ACSL5: variants seen among roughly 807,000 people sequenced by gnomAD.
ACSL5 encodes long-chain-fatty-acid--CoA ligase 5.
A neutral mutation model predicts 84.9 loss-of-function variants in ACSL5; 50 were observed. The ratio of observed to expected loss-of-function variants is 0.59; its 90% CI spans 0.47 to 0.75. ACSL5 has a LOEUF of 0.75. Among genes scored for constraint, ACSL5 ranks in the 30% least tolerant of loss-of-function variants. The pLI, the probability that ACSL5 is intolerant of heterozygous loss-of-function variation, is 0.00. For synonymous variants in ACSL5, 280 were observed against 300.7 expected (o/e 0.93, Z 0.71); for missense variants, 775 against 830.4 (o/e 0.93, Z 0.82).
intron 3 of ACSL5, among the ~76,000 whole-genome samples, chr10:112,402,712 C>T (rs1489359655): frequency 2.0e-5 from 3 of 152,088 alleles, no homozygotes; most frequent in African/African-American, 4.8e-5. Context: ...TCTAGAAGTC[C>T]ACTTACTTGC....
chr10:112,421,643 A>C lies in ACSL5; in HGVS notation c.1365A>C (p.Thr455=), dbSNP rs765815713. The C allele has an allele frequency of 1.2e-6, 2 of 1,614,136 alleles. No individual in the cohort carries two copies. Among genetic ancestry groups the C allele is most frequent in the Admixed American group, 1.7e-5 (1 of 60,034 alleles). Reference sequence around the variant, plus strand: ...AATGCACAGGTGGCTGTACATTTACATTACCTGGGGACTGGACATCAGGTA... The same window carrying C: ...AATGCACAGGTGGCTGTACATTTACCTTACCTGGGGACTGGACATCAGGTA... ...QTECTGGCTF[T]LPGDWTSGHV... Residue 455 remains threonine, a synonymous_variant, in exon 15 of 21, where the codon ACA becomes ACC. Coordinates refer to ENST00000354655, the MANE Select transcript of ACSL5 (RefSeq NM_203379.2).
chr10:112,386,997 CT>C (rs1379236886), intron 1 of ACSL5, among the ~76,000 whole-genome samples: 1 of 152,108 alleles, frequency 6.6e-6, no homozygotes, highest in East Asian at 1.9e-4. Context: ...CCTCTCAGCT[CT>C]TTTTTTAAAT....
intron 9 of ACSL5, 86 bp downstream of exon 9, chr10:112,410,721 C>G: frequency 7.0e-7 from 1 of 1,421,684 alleles, no homozygotes; most frequent in Non-Finnish European, 9.7e-7. Context: ...CTGGTAAATA[C>G]TCCCTCTAAA....
At chr10:112,401,489 T>G (rs931080242) in intron 3 of ACSL5, among the ~76,000 whole-genome samples, 4 of 152,376 alleles carry the variant, frequency 2.6e-5, no homozygotes, top group African/African-American at 9.6e-5. Context: ...TGCCAAGAAT[T>G]TGTTAATGGA....
At chr10:112,421,496 C>A in intron 14 of ACSL5, 97 bp from the exon 15 acceptor site, 6 of 1,091,764 alleles carry the variant, frequency 5.5e-6, no homozygotes, top group South Asian at 5.1e-5. Context: ...GGTCTCGAAC[C>A]CTTAGAGACC....
intron 3 of ACSL5, among the ~76,000 whole-genome samples, chr10:112,401,139 C>G (rs1843877708): frequency 6.6e-6 from 1 of 152,070 alleles, no homozygotes; most frequent in African/African-American, 2.4e-5. Context: ...TCGCTTGAAC[C>G]TGGGAAGTGG....
intron 6 of ACSL5, 68 bp downstream of exon 6, chr10:112,408,589 T>C: frequency 8.8e-7 from 1 of 1,136,522 alleles, no homozygotes; most frequent in South Asian, 1.3e-5. Flanking sequence ...AATTTCTGCT[T>C]TTTTGTTTAT....
Position 112,395,056 on chromosome 10 carries a change from C to T in ACSL5, c.110C>T (p.Pro37Leu), listed in dbSNP as rs1428256415. ...TTGTGGCTGATCACCAGACCTCAAC[C>T]CGTCTTACCTCTTCTTGACCTGAAC... ...IFLWLITRPQPVLPLLDLNNQ... is the reference protein window; with the variant it reads ...IFLWLITRPQLVLPLLDLNNQ... Residue 37 changes from proline (P) to leucine (L), a missense_variant, in exon 2 of 21, where the codon CCC becomes CTC. Transcript: ENST00000354655. The T allele has an allele frequency of 1.2e-6, 2 of 1,614,056 alleles. No individual in the cohort carries two copies. The highest frequency in any genetic ancestry group is 2.2e-5 in the East Asian group (1 of 44,876).
chr10:112,413,392 T>G, intron 12 of ACSL5, 85 bp downstream of exon 12: 2 of 1,464,944 alleles, frequency 1.4e-6, no homozygotes, highest in Non-Finnish European at 1.9e-6. Flanking sequence ...ACTCCACCTC[T>G]ACCTCCACCC....
intron 3 of ACSL5, among the ~76,000 whole-genome samples, chr10:112,403,177 G>T (rs1843944991): frequency 6.6e-6 from 1 of 152,148 alleles, no homozygotes; most frequent in African/African-American, 2.4e-5. Context: ...GAACAAACAA[G>T]TCATGAAAGT....
At chr10:112,391,408 T>C (rs1843635055) in intron 1 of ACSL5, among the ~76,000 whole-genome samples, 1 of 151,862 alleles carries the variant, frequency 6.6e-6, no homozygotes, top group African/African-American at 2.4e-5. Context: ...TGTGAAATTC[T>C]GTGCACCTCC....
At chr10:112,423,332 A>G (rs1844552011) in intron 17 of ACSL5, among the ~76,000 whole-genome samples, 1 of 143,990 alleles carries the variant, frequency 6.9e-6, no homozygotes, top group Non-Finnish European at 1.5e-5. Context: ...TAACGTGTGA[A>G]TAGGAGCTGC....
Position 112,409,725 on chromosome 10 carries a change from C to T in ACSL5, c.711+40C>T, listed in dbSNP as rs755067456. The T allele has an allele frequency of 5.0e-6, 8 of 1,601,754 alleles. No homozygotes were observed. In the South Asian group the frequency reaches 5.6e-5, roughly 11 times the overall value. ...TTTAGCTTGCAGCTCCAATGCTTGT[C>T]CAACACCTTGGGCAACTTGCAAGAT... On this transcript the variant is annotated intron_variant, in intron 7 of 20. Transcript: ENST00000354655.
At position 112,420,493 on chromosome 10, in the gene ACSL5, G is replaced by A. The variant is rs191009824; in HGVS notation, c.1315-1100G>A. Among the ~76,000 whole-genome samples the A allele has an allele frequency of 1.2e-4, 19 of 152,266 alleles. No homozygotes were observed. In the East Asian group the frequency reaches 3.5e-3, roughly 28 times the overall value. ...TCAGATACCAGATGGCTCACAAAGT[G>A]GAAAATATTTACTATCTTGGCCTGT... On this transcript the variant is annotated intron_variant, in intron 14 of 20. Transcript: ENST00000354655.
chr10:112,401,867 TC>T (rs1476989077), intron 3 of ACSL5, among the ~76,000 whole-genome samples: 1 of 150,760 alleles, frequency 6.6e-6, no homozygotes, highest in South Asian at 2.1e-4. Context: ...TTTCTTTCTT[TC>T]TTTTTCTTTC....
chr10:112,412,137 C>T (rs964653388), intron 11 of ACSL5, among the ~76,000 whole-genome samples, 158 bp downstream of exon 11: 1 of 152,168 alleles, frequency 6.6e-6, no homozygotes, highest in Non-Finnish European at 1.5e-5. Context: ...CATGGCATGG[C>T]CCCTCATTTC....
intron 7 of ACSL5, chr10:112,410,191 A>G: frequency 6.8e-7 from 1 of 1,460,262 alleles, no homozygotes; most frequent in South Asian, 1.2e-5. Flanking sequence ...AGATTTAGTT[A>G]GGGCCCTAGA....
At chr10:112,404,444 C>T (rs2133614539) in intron 3 of ACSL5, 67 bp from the exon 4 acceptor site, 2 of 1,282,024 alleles carry the variant, frequency 1.6e-6, no homozygotes, top group Non-Finnish European at 2.2e-6. Context: ...TCTTAATCTC[C>T]TTTTAGCTTC....
chr10:112,379,930 A>G (rs901984182), intron 1 of ACSL5, among the ~76,000 whole-genome samples: 3 of 152,010 alleles, frequency 2.0e-5, no homozygotes, highest in Non-Finnish European at 2.9e-5. Context: ...TGCTTTCCCA[A>G]CCTCTTGCCT....
Sources: allele counts gnomAD v4.1 joint callset (sites outside exome capture counted in the v4.1 genomes callset), GRCh38; gene constraint gnomAD v4.1.1; transcripts MANE v1.5; gene names NCBI Gene and HGNC (gene_info 2026-07-23, HGNC 2026-07-21).